The following CC2D2A variants were observed in gnomAD, a reference collection of about 807,000 sequenced individuals.
CC2D2A encodes coiled-coil and C2 domain-containing protein 2A.
Under a neutral mutation model 212.9 loss-of-function variants are expected in CC2D2A, and 155 were observed. The observed-to-expected ratio is 0.73, with a 90% CI of 0.64 to 0.83. The LOEUF (loss-of-function observed/expected upper bound fraction) is 0.83, where lower values mean the gene tolerates loss of function less well. CC2D2A is among the 40% of genes least tolerant of loss of function. The pLI is 0.00. For missense variants in CC2D2A, 1,856 were observed against 1,956.2 expected, an observed-to-expected ratio of 0.95 and a Z score of 0.97; for synonymous variants, 667 against 686.5, an observed-to-expected ratio of 0.97 and a Z score of 0.44.
At chr4:15,477,419 A>G (rs552119916) in intron 2 of CC2D2A, among the ~76,000 whole-genome samples, 3 of 152,218 alleles carry the variant, frequency 2.0e-5, no homozygotes, top group Non-Finnish European at 4.4e-5. Flanking sequence ...CTGGGAATAC[A>G]GCAGTAAACA....
intron 17 of CC2D2A, among the ~76,000 whole-genome samples, chr4:15,546,456 G>C (rs886808807): frequency 6.6e-6 from 1 of 152,150 alleles, no homozygotes; most frequent in Non-Finnish European, 1.5e-5. Flanking sequence ...CTGGCATGTG[G>C]ATTGAGATAG....
intron 17 of CC2D2A, among the ~76,000 whole-genome samples, chr4:15,549,556 A>C (rs1718885957): frequency 6.6e-6 from 1 of 152,236 alleles, no homozygotes; most frequent in South Asian, 2.1e-4. Context: ...TAATCCCAGC[A>C]CATGGGGAAG....
intron 13 of CC2D2A, 104 bp from the exon 14 acceptor site, chr4:15,533,089 C>T (rs950561822): frequency 4.4e-5 from 38 of 872,196 alleles, no homozygotes; most frequent in African/African-American, 2.7e-4. Flanking sequence ...TTTCAAAATA[C>T]GGTAGCTATC....
At position 15,537,783 on chromosome 4, in the gene CC2D2A, C is replaced by T; in HGVS notation, c.1765-116C>T. On this transcript the variant is annotated intron_variant, in intron 15 of 36. Coordinates refer to ENST00000424120, the MANE Select transcript of CC2D2A (RefSeq NM_001378615.1). ...GCTTAGTGACCTGCCTGATTACACA[C>T]TTCTGGTTGAAATGGGGCTGGGGTT... is the stretch of plus-strand genomic sequence containing the variant. The T allele has an allele frequency of 6.3e-6, 7 of 1,108,300 alleles. No homozygotes were observed. The South Asian group carries it at 1.1e-4, about 17-fold the overall frequency. The allele number at this position is 1,108,300 out of a possible 1,614,324, so 68.7% of individuals were successfully genotyped here. A position where few individuals can be genotyped will look rare whatever the true frequency, so the allele number is the denominator to read the frequency against.
intron 30 of CC2D2A, among the ~76,000 whole-genome samples, chr4:15,583,641 TC>T (rs1720741974): frequency 2.0e-5 from 3 of 152,090 alleles, no homozygotes; most frequent in Non-Finnish European, 4.4e-5. Flanking sequence ...AGGTGAAAGA[TC>T]TCTGCAATGA....
chr4:15,579,124 T>C (rs1720540840), intron 29 of CC2D2A, among the ~76,000 whole-genome samples: 1 of 152,140 alleles, frequency 6.6e-6, no homozygotes, highest in South Asian at 2.1e-4. Flanking sequence ...GTAAAGGAAA[T>C]CTACATTTGT....
chr4:15,585,598 T>C (rs1412958249), intron 30 of CC2D2A, among the ~76,000 whole-genome samples: 1 of 152,212 alleles, frequency 6.6e-6, no homozygotes, highest in Non-Finnish European at 1.5e-5. Context: ...TTAATAATAA[T>C]GTATAGTATA....
chr4:15,552,815 A>G (rs1253018831), intron 18 of CC2D2A, among the ~76,000 whole-genome samples: 1 of 152,248 alleles, frequency 6.6e-6, no homozygotes, highest in Non-Finnish European at 1.5e-5. Context: ...TGTCTTTGAA[A>G]TAACTCTGCA....
intron 1 of CC2D2A, among the ~76,000 whole-genome samples, chr4:15,473,764 A>G (rs1330983943): frequency 6.6e-6 from 1 of 152,160 alleles, no homozygotes; most frequent in African/African-American, 2.4e-5. Flanking sequence ...TTTAGAAGTG[A>G]TTAGATCCTG....
At chr4:15,536,707 T>G (rs1424294387) in intron 14 of CC2D2A, among the ~76,000 whole-genome samples, 2 of 152,190 alleles carry the variant, frequency 1.3e-5, no homozygotes, top group Non-Finnish European at 2.9e-5. Context: ...CTGTGTGTTC[T>G]TGGGAACTTA....
intron 4 of CC2D2A, among the ~76,000 whole-genome samples, chr4:15,483,968 C>T (rs967706096): frequency 6.6e-6 from 1 of 152,216 alleles, no homozygotes; most frequent in Non-Finnish European, 1.5e-5. Flanking sequence ...GCAAGTTCTC[C>T]GACCTACCTA....
chr4:15,547,235 A>C (rs561891329), intron 17 of CC2D2A, among the ~76,000 whole-genome samples: 1 of 152,216 alleles, frequency 6.6e-6, no homozygotes, highest in Non-Finnish European at 1.5e-5. Context: ...ATTTTGATAC[A>C]TGAATAGAAT....
At position 15,550,872 on chromosome 4, in the gene CC2D2A, T is replaced by A; in HGVS notation, c.2230T>A (p.Phe744Ile). ...TAGTCCCACCTTGCTAGCAGAAGTG[T>A]TTCTGCCTATTCCTGAGACTACTGT... ...HSSPTLLAEVFLPIPETTVVT... is the reference protein window; with the variant it reads ...HSSPTLLAEVILPIPETTVVT... Residue 744 changes from phenylalanine to isoleucine, a missense_variant, in exon 18 of 37, where the codon TTT (phenylalanine) becomes ATT (isoleucine). Phe to Ile is a conservative substitution (Grantham distance 21, BLOSUM62 0). Coordinates refer to ENST00000424120, the MANE Select transcript of CC2D2A (RefSeq NM_001378615.1). The A allele has an allele frequency of 6.2e-7, 1 of 1,602,094 alleles. No individual in the cohort carries two copies. Among genetic ancestry groups the A allele is most frequent in the Admixed American group, 1.7e-5 (1 of 59,902 alleles).
intron 4 of CC2D2A, chr4:15,482,224 G>A: frequency 1.0e-6 from 1 of 985,112 alleles, no homozygotes; most frequent in Non-Finnish European, 1.2e-6. Context: ...ATGATACAAT[G>A]AGAGCTGTTA....
intron 6 of CC2D2A, among the ~76,000 whole-genome samples, chr4:15,505,028 G>A (rs1236411986): frequency 6.6e-6 from 1 of 152,048 alleles, no homozygotes; most frequent in Non-Finnish European, 1.5e-5. Flanking sequence ...ATAAAACAGG[G>A]GTAATTCCAG....
intron 15 of CC2D2A, among the ~76,000 whole-genome samples, chr4:15,537,308 G>A (rs548416515): frequency 6.6e-5 from 10 of 152,324 alleles, no homozygotes; most frequent in Middle Eastern, 3.4e-3. Flanking sequence ...TGTGTCCACA[G>A]AGAATGCTAT....
In CC2D2A at chr4:15,478,629, G is replaced by GC. The variant is rs995889316; in HGVS notation, c.40-91dup. The GC allele has an allele frequency of 3.4e-6, 3 of 870,638 alleles. No homozygotes were observed. The African/African-American group carries it at 5.1e-5, about 15-fold the overall frequency. 53.9% of individuals were successfully genotyped at this position (870,638 alleles called of 1,614,324 possible). ...TCACACTCAGCATTACTGGATAGAA[G>GC]CCCAGGGTCAAGATGGGAGTTTTAA... On this transcript the variant is annotated intron_variant, in intron 2 of 36. Coordinates refer to ENST00000424120, the MANE Select transcript of CC2D2A (RefSeq NM_001378615.1).
At chr4:15,554,076 A>G (rs538097867) in intron 19 of CC2D2A, among the ~76,000 whole-genome samples, 3 of 152,326 alleles carry the variant, frequency 2.0e-5, no homozygotes, top group Admixed American at 6.5e-5. Context: ...ACGACCACAC[A>G]TGTCCATGTG....
intron 35 of CC2D2A, among the ~76,000 whole-genome samples, chr4:15,599,153 C>T (rs572565480): frequency 6.6e-6 from 1 of 152,196 alleles, no homozygotes; most frequent in South Asian, 2.1e-4. Flanking sequence ...AGAGCAAGAT[C>T]CTGCCTTTAA....
Sources: allele counts gnomAD v4.1 joint callset (sites outside exome capture counted in the v4.1 genomes callset), GRCh38; gene constraint gnomAD v4.1.1; transcripts MANE v1.5; gene names NCBI Gene and HGNC (gene_info 2026-07-23, HGNC 2026-07-21).